CBL: variants seen among roughly 807,000 people sequenced by gnomAD.
The protein encoded by CBL is Cbl proto-oncogene.
In CBL, 45 loss-of-function variants were observed where a neutral mutation model predicts 96.9. The observed-to-expected ratio is 0.46, with a 90% CI of 0.37 to 0.60. The LOEUF is 0.60. Among genes scored for constraint, CBL ranks in the 20% least tolerant of loss-of-function variants. The pLI is 0.00. For synonymous variants in CBL, 420 were observed against 426.8 expected (o/e 0.98, Z 0.20); for missense variants, 1,024 against 1,143.5 (o/e 0.90, Z 1.51).
intron 3 of CBL, among the ~76,000 whole-genome samples, chr11:119,272,509 T>C (rs1377920789): frequency 6.6e-6 from 1 of 152,236 alleles, no homozygotes; most frequent in Non-Finnish European, 1.5e-5. Flanking sequence ...CAAGAAATTG[T>C]CTTTATTTAC....
rs1477733237 is a variant in CBL at position 119,278,497 on chromosome 11, G to T, written c.1228-13G>T. The T allele has an allele frequency of 6.2e-7, 1 of 1,609,870 alleles. No homozygotes were observed. Among genetic ancestry groups the T allele is most frequent in the Non-Finnish European group, 8.5e-7 (1 of 1,176,172 alleles). On this transcript the variant is annotated splice_polypyrimidine_tract_variant and intron_variant, in intron 8 of 15. Coordinates refer to ENST00000264033, the MANE Select transcript of CBL (RefSeq NM_005188.4). The stretch of plus-strand genomic sequence containing the variant: ...TCAGATGCATCTGTTACTATCTTTT[G>T]CTTCTTCTGCAGGAATCAGAAGGTC...
chr11:119,287,706 A>G (rs1342288014), intron 11 of CBL, 146 bp from the exon 12 acceptor site: 1 of 688,342 alleles, frequency 1.5e-6, no homozygotes, highest in Non-Finnish European at 2.7e-6. Flanking sequence ...AAGGCCCCTA[A>G]GCGTTTGGTC....
chr11:119,211,432 G>T (rs766742039), intron 1 of CBL, among the ~76,000 whole-genome samples: 1 of 152,066 alleles, frequency 6.6e-6, no homozygotes, highest in Non-Finnish European at 1.5e-5. Context: ...CCTCAGATAC[G>T]GGGAGATACT....
chr11:119,272,558 A>G (rs1949857245), intron 3 of CBL, among the ~76,000 whole-genome samples: 1 of 152,208 alleles, frequency 6.6e-6, no homozygotes, highest in Non-Finnish European at 1.5e-5. Flanking sequence ...GGGGTTTTAC[A>G]TCTTTTGCTT....
In CBL at chr11:119,261,168, C is replaced by T. The variant is rs554368688; in HGVS notation, c.444-10567C>T. Among the ~76,000 whole-genome samples, 6 of 152,130 alleles carry T rather than the reference C, an allele frequency of 3.9e-5. No individual in the cohort carries two copies. In the South Asian group the frequency reaches 1.2e-3, roughly 32 times the overall value. ...ACCTCAGGTGAGCCGTCTGCCTTGG[C>T]CTCCCAAAGTGCTAGGATTACAGGC... On this transcript the variant is annotated intron_variant, in intron 2 of 15. Coordinates refer to ENST00000264033, the MANE Select transcript of CBL (RefSeq NM_005188.4).
At position 119,206,409 on chromosome 11, in the gene CBL, G is replaced by T; in HGVS notation, c.-9G>T. ...GCGGACCCGCCTGGGCTCCGACCCTGCCCAGGCCATGGCCGGCAACGTGAA... is the reference window on the plus strand; with the variant it reads ...GCGGACCCGCCTGGGCTCCGACCCTTCCCAGGCCATGGCCGGCAACGTGAA... On this transcript the variant is annotated 5_prime_UTR_variant, in exon 1 of 16. Coordinates refer to ENST00000264033, the MANE Select transcript of CBL (RefSeq NM_005188.4). 2 of 1,548,776 alleles carry T rather than the reference G, an allele frequency of 1.3e-6. No individual in the cohort carries two copies. The highest frequency in any genetic ancestry group is 1.7e-6 in the Non-Finnish European group (2 of 1,152,394).
At position 119,307,831 on chromosome 11, in the gene CBL, G is replaced by A. The variant is rs1011207875; in HGVS notation, c.*8050G>A. On this transcript the variant is annotated 3_prime_UTR_variant, in exon 16 of 16. Coordinates refer to ENST00000264033, the MANE Select transcript of CBL (RefSeq NM_005188.4). ...AAGAAAACAAAACAAACACATAGGT[G>A]AGATTTTCGTGGACTATTTTAAAAA... 2 of 209,708 alleles carry A rather than the reference G, an allele frequency of 9.5e-6. No homozygotes were observed. The highest frequency in any genetic ancestry group is 1.9e-5 in the Non-Finnish European group (2 of 103,108). 13.0% of individuals were successfully genotyped at this position (209,708 alleles called of 1,614,324 possible).
chr11:119,227,542 CT>C (rs937371409), intron 1 of CBL, among the ~76,000 whole-genome samples: 4 of 151,538 alleles, frequency 2.6e-5, no homozygotes, highest in Non-Finnish European at 4.4e-5. Flanking sequence ...TATAGTGAAC[CT>C]TATAATTTTC....
intron 3 of CBL, among the ~76,000 whole-genome samples, chr11:119,273,214 C>T (rs944083059): frequency 6.6e-5 from 10 of 152,124 alleles, no homozygotes; most frequent in Non-Finnish European, 1.2e-4. Flanking sequence ...CCCCTGGCCT[C>T]TCAAAGTACT....
intron 2 of CBL, among the ~76,000 whole-genome samples, chr11:119,253,455 A>T (rs1949686066): frequency 6.7e-6 from 1 of 149,528 alleles, no homozygotes; most frequent in Admixed American, 6.7e-5. Flanking sequence ...CATCTCAAAA[A>T]AAAAAAAAAA....
In CBL at chr11:119,292,565, C is replaced by T. The variant is rs892730326; in HGVS notation, c.2037-4353C>T. Among the ~76,000 whole-genome samples the T allele has an allele frequency of 2.0e-5, 3 of 152,126 alleles. No individual in the cohort carries two copies. In the East Asian group the frequency reaches 5.8e-4, roughly 29 times the overall value. The stretch of plus-strand genomic sequence containing the variant: ...CCTCCCGAGTAGCTGGGACTACAGG[C>T]GCCCGCCACCAAGCCCAGCTAATTT... On this transcript the variant is annotated intron_variant, in intron 12 of 15. Coordinates refer to ENST00000264033, the MANE Select transcript of CBL (RefSeq NM_005188.4).
intron 15 of CBL, 90 bp from the exon 16 acceptor site, chr11:119,299,405 G>C: frequency 8.2e-7 from 1 of 1,216,138 alleles, no homozygotes; most frequent in Non-Finnish European, 1.2e-6. Flanking sequence ...CAGGAAGTCA[G>C]TAATATCTTG....
chr11:119,232,525 C>G lies in CBL; in HGVS notation c.273C>G (p.Thr91=). The G allele has an allele frequency of 1.2e-6, 2 of 1,613,804 alleles. No homozygotes were observed. The highest frequency in any genetic ancestry group is 2.2e-5 in the South Asian group (2 of 91,076). Reference sequence around the variant, plus strand: ...ATATCTTAGACCTGCTACCAGATACCTACCAGCATCTCCGTACTATCTTGT... The same window carrying G: ...ATATCTTAGACCTGCTACCAGATACGTACCAGCATCTCCGTACTATCTTGT... ...PPYILDLLPD[T]YQHLRTILSR... Residue 91 remains threonine, a synonymous_variant, in exon 2 of 16, where the codon ACC becomes ACG. Coordinates refer to ENST00000264033, the MANE Select transcript of CBL (RefSeq NM_005188.4).
At chr11:119,234,222 T>C (rs1056137410) in intron 2 of CBL, among the ~76,000 whole-genome samples, 1 of 152,192 alleles carries the variant, frequency 6.6e-6, no homozygotes, top group Admixed American at 6.5e-5. Flanking sequence ...GGCAAGCTGG[T>C]GTTGAACTCC....
At chr11:119,295,740 C>T (rs1397349818) in intron 12 of CBL, among the ~76,000 whole-genome samples, 1 of 152,036 alleles carries the variant, frequency 6.6e-6, no homozygotes, top group Non-Finnish European at 1.5e-5. Flanking sequence ...GACTGTCCTC[C>T]CGCCATCTCA....
chr11:119,298,287 C>G (rs1278188289), intron 14 of CBL, 71 bp from the exon 15 acceptor site: 1 of 1,351,080 alleles, frequency 7.4e-7, no homozygotes, highest in Admixed American at 1.7e-5. Flanking sequence ...AAATGAATGG[C>G]TGCCCCGTAT....
chr11:119,274,562 C>A (rs1949873912), intron 4 of CBL, among the ~76,000 whole-genome samples: 2 of 152,126 alleles, frequency 1.3e-5, no homozygotes, highest in African/African-American at 2.4e-5. Flanking sequence ...TGTTGTTGTT[C>A]AACCCCACTA....
At chr11:119,206,665 C>T in intron 1 of CBL, 53 bp downstream of exon 1, 1 of 1,353,730 alleles carries the variant, frequency 7.4e-7, no homozygotes, top group Non-Finnish European at 9.8e-7. Context: ...GGCGGAGGGC[C>T]GCGGGGAGGG....
intron 14 of CBL, among the ~76,000 whole-genome samples, chr11:119,297,741 C>T (rs561657026): frequency 2.6e-5 from 4 of 152,194 alleles, no homozygotes; most frequent in Admixed American, 6.5e-5. Flanking sequence ...TGAGCCACCA[C>T]GCCCAGACAA....
Sources: allele counts gnomAD v4.1 joint callset (sites outside exome capture counted in the v4.1 genomes callset), GRCh38; gene constraint gnomAD v4.1.1; transcripts MANE v1.5; gene names NCBI Gene and HGNC (gene_info 2026-07-23, HGNC 2026-07-21).